The following NCKAP5 variants were observed in gnomAD, a reference collection of about 807,000 sequenced individuals.
NCKAP5 encodes nck-associated protein 5.
Under a neutral mutation model 167.0 loss-of-function variants are expected in NCKAP5, and 92 were observed. That is an observed-to-expected ratio of 0.55 (90% CI 0.47 to 0.66). NCKAP5 has a LOEUF of 0.66. Ranked by LOEUF, NCKAP5 falls within the 30% of genes least tolerant of loss-of-function variation. The pLI is 0.00. For synonymous variants in NCKAP5, 891 were observed against 877.4 expected (o/e 1.02, Z -0.27); for missense variants, 2,378 against 2,315.0 (o/e 1.03, Z -0.56).
the NCKAP5 span, among the ~76,000 whole-genome samples, chr2:133,601,010 C>T: frequency 8.5e-5 from 13 of 152,234 alleles, no homozygotes; most frequent in African/African-American, 2.9e-4. Flanking sequence ...TGTTTTCTCA[C>T]GTAAGTTCCT....
At chr2:133,033,346 C>T (rs1206928541) in intron 6 of NCKAP5, among the ~76,000 whole-genome samples, 1 of 152,172 alleles carries the variant, frequency 6.6e-6, no homozygotes, top group African/African-American at 2.4e-5. Context: ...GATCACAACA[C>T]CGAAGTCCTT....
chr2:133,057,101 A>G (rs1487240337), intron 6 of NCKAP5, among the ~76,000 whole-genome samples: 1 of 152,180 alleles, frequency 6.6e-6, no homozygotes, highest in African/African-American at 2.4e-5. Flanking sequence ...TTGGAACACC[A>G]CAAATCGTGC....
At chr2:133,581,976 T>G in the NCKAP5 span, among the ~76,000 whole-genome samples, 3 of 152,248 alleles carry the variant, frequency 2.0e-5, no homozygotes, top group African/African-American at 7.2e-5. Context: ...ATACTCAATG[T>G]ATTTACATTT....
chr2:133,661,817 G>C, the NCKAP5 span, among the ~76,000 whole-genome samples: 10 of 152,184 alleles, frequency 6.6e-5, no homozygotes, highest in Non-Finnish European at 1.0e-4. Context: ...TGTGTTCACT[G>C]GTGCCTTATT....
chr2:132,816,109 G>T (rs1686247369), intron 11 of NCKAP5, among the ~76,000 whole-genome samples: 1 of 152,102 alleles, frequency 6.6e-6, no homozygotes, highest in Non-Finnish European at 1.5e-5. Flanking sequence ...CTAGCTCACA[G>T]GGGCTTACCG....
At chr2:133,410,476 G>C (rs893936244) in intron 3 of NCKAP5, among the ~76,000 whole-genome samples, 6 of 152,206 alleles carry the variant, frequency 3.9e-5, no homozygotes, top group East Asian at 3.9e-4. Context: ...ACATCAAAGG[G>C]TTCTTAGGAA....
intron 16 of NCKAP5, among the ~76,000 whole-genome samples, chr2:132,767,672 A>G (rs1681631309): frequency 6.6e-6 from 1 of 152,254 alleles, no homozygotes; most frequent in Non-Finnish European, 1.5e-5. Flanking sequence ...TTAGCTAGCT[A>G]AAGTCTAGGA....
chr2:133,014,837 T>C (rs1035401863), intron 6 of NCKAP5, among the ~76,000 whole-genome samples: 1 of 152,198 alleles, frequency 6.6e-6, no homozygotes, highest in Non-Finnish European at 1.5e-5. Context: ...ATGTTTTCCA[T>C]TGAAAGACTT....
intron 3 of NCKAP5, among the ~76,000 whole-genome samples, chr2:133,326,306 T>G (rs986968426): frequency 1.3e-5 from 2 of 151,836 alleles, no homozygotes; most frequent in African/African-American, 4.8e-5. Flanking sequence ...ATACAAAAAT[T>G]AGCTGGGCAT....
rs1405407683 is a variant in NCKAP5, at chr2:133,538,386, T to C, written c.-62+20664A>G. 2.6e-5 allele frequency among the ~76,000 whole-genome samples: 4 copies of C among 151,762 alleles called. No homozygotes were observed. The East Asian group carries it at 5.8e-4, about 22-fold the overall frequency. On this transcript the variant is annotated intron_variant, in intron 2 of 19. Coordinates refer to ENST00000409261, the MANE Select transcript of NCKAP5 (RefSeq NM_207363.3). Reference sequence around the variant, plus strand: ...TTAAAATACATTTAATTTGCAGAGATTTTTTTAGCCTAATTTGAAGGATTC... The same window carrying C: ...TTAAAATACATTTAATTTGCAGAGACTTTTTTAGCCTAATTTGAAGGATTC...
At chr2:133,214,094 T>C (rs2086327483) in intron 4 of NCKAP5, among the ~76,000 whole-genome samples, 1 of 152,228 alleles carries the variant, frequency 6.6e-6, no homozygotes, top group Non-Finnish European at 1.5e-5. Flanking sequence ...TTAGTTGACT[T>C]TTCTCTATCA....
At chr2:133,430,315 G>A (rs1004896071) in intron 3 of NCKAP5, among the ~76,000 whole-genome samples, 3 of 151,996 alleles carry the variant, frequency 2.0e-5, no homozygotes, top group African/African-American at 7.2e-5. Context: ...TTCTCCCAAT[G>A]TGTAGTTTGT....
In NCKAP5 at chr2:133,325,500, G is replaced by T. The variant is rs113453830; in HGVS notation, c.70-22390C>A. ...ACTCATTTTAATTATTTCAACCCTA[G>T]CCTTCCCTAAGCTCTTGCATCTCTA... On this transcript the variant is annotated intron_variant, in intron 3 of 19. Coordinates refer to ENST00000409261, the MANE Select transcript of NCKAP5 (RefSeq NM_207363.3). Among the ~76,000 whole-genome samples, 1,217 of 152,264 alleles carry T rather than the reference G, an allele frequency of 8.0e-3. 9 individuals are homozygous for T. Among genetic ancestry groups the T allele is most frequent in the Non-Finnish European group, 0.012 (799 of 68,026 alleles).
chr2:133,072,729 T>C (rs115823598), intron 6 of NCKAP5, among the ~76,000 whole-genome samples: 2,458 of 152,296 alleles, frequency 0.016, 69 homozygotes, highest in African/African-American at 0.056. Flanking sequence ...TTGCTTATAG[T>C]TTGAAACATT....
At chr2:133,135,581 T>C (rs2082761534) in intron 5 of NCKAP5, among the ~76,000 whole-genome samples, 1 of 152,064 alleles carries the variant, frequency 6.6e-6, no homozygotes. Flanking sequence ...GGCTAAATTA[T>C]AGAATGGGAA....
the NCKAP5 span, among the ~76,000 whole-genome samples, chr2:133,618,694 T>C: frequency 7.2e-5 from 11 of 152,140 alleles, no homozygotes; most frequent in East Asian, 1.9e-3. Context: ...GGAACACTTT[T>C]ACACTGTTGG....
chr2:133,071,073 A>G (rs1161223030), intron 6 of NCKAP5, among the ~76,000 whole-genome samples: 1 of 152,186 alleles, frequency 6.6e-6, no homozygotes, highest in Non-Finnish European at 1.5e-5. Flanking sequence ...AAGCATAATA[A>G]AGACAAAAGG....
intron 8 of NCKAP5, among the ~76,000 whole-genome samples, chr2:132,936,632 G>A (rs987227620): frequency 2.6e-5 from 4 of 151,974 alleles, no homozygotes; most frequent in Non-Finnish European, 5.9e-5. Flanking sequence ...CTTTAGACTT[G>A]GAGAAAAATA....
chr2:133,601,734 AAATAAATAAAT>A, the NCKAP5 span, among the ~76,000 whole-genome samples: 1 of 152,136 alleles, frequency 6.6e-6, no homozygotes, highest in African/African-American at 2.4e-5. Flanking sequence ...CTCAATAAAT[AAATAAATAAAT>A]AATAAATAAA....
Sources: gnomAD v4.1 joint callset for allele counts (sites outside exome capture counted in the v4.1 genomes callset) on GRCh38, gnomAD v4.1.1 for gene constraint, MANE v1.5 for transcripts, NCBI Gene and HGNC (gene_info 2026-07-23, HGNC 2026-07-21) for gene names.